Variants in FOXP2 observed in about 807,000 individuals in gnomAD.
FOXP2 encodes forkhead box P2, also known as forkhead box protein P2.
FOXP2 carries 12 observed loss-of-function variants against 115.8 expected under a neutral mutation model. The observed-to-expected ratio is 0.10, with a 90% CI of 0.07 to 0.17. The LOEUF (loss-of-function observed/expected upper bound fraction) is 0.17, where lower values mean the gene tolerates loss of function less well. FOXP2 is among the 10% of genes least tolerant of loss of function. The probability of loss-of-function intolerance (pLI) is 1.00; values close to 1 mark genes in which losing one functional copy is unlikely to be tolerated. For missense variants in FOXP2, 629 were observed against 843.5 expected, an observed-to-expected ratio of 0.75 and a Z score of 3.15; for synonymous variants, 328 against 297.7, an observed-to-expected ratio of 1.10 and a Z score of -1.05.
chr7:114,496,942 A>G (rs1223503958), intron 2 of FOXP2, among the ~76,000 whole-genome samples: 2 of 152,198 alleles, frequency 1.3e-5, no homozygotes, highest in African/African-American at 4.8e-5. Flanking sequence ...AATTTGCTGT[A>G]CTAAGCACAC....
chr7:114,575,704 A>G (rs1368846165), intron 3 of FOXP2, among the ~76,000 whole-genome samples: 1 of 151,948 alleles, frequency 6.6e-6, no homozygotes, highest in Non-Finnish European at 1.5e-5. Flanking sequence ...CAGCTAAAGC[A>G]CATGAAGATA....
intron 3 of FOXP2, among the ~76,000 whole-genome samples, chr7:114,594,579 A>G (rs547134187): frequency 6.6e-5 from 10 of 152,074 alleles, no homozygotes; most frequent in Non-Finnish European, 1.2e-4. Flanking sequence ...CAAAAACAAC[A>G]AAAAAATAGT....
intron 2 of FOXP2, among the ~76,000 whole-genome samples, chr7:114,475,683 G>A (rs1023713408): frequency 3.9e-5 from 6 of 152,002 alleles, no homozygotes; most frequent in African/African-American, 1.4e-4. Flanking sequence ...ATATGACTAT[G>A]CCAAATAGTA....
chr7:114,226,924 T>G (rs1794761329), intron 1 of FOXP2, among the ~76,000 whole-genome samples: 1 of 152,144 alleles, frequency 6.6e-6, no homozygotes, highest in Non-Finnish European at 1.5e-5. Context: ...AATACAGACT[T>G]CATTGAAATC....
chr7:114,602,518 A>T (rs1803083411), intron 3 of FOXP2, among the ~76,000 whole-genome samples: 1 of 152,038 alleles, frequency 6.6e-6, no homozygotes, highest in African/African-American at 2.4e-5. Context: ...ATTTAGTCAC[A>T]AGGAAGGAAT....
intron 1 of FOXP2, among the ~76,000 whole-genome samples, chr7:114,188,689 A>C (rs922524906): frequency 7.2e-5 from 11 of 152,168 alleles, no homozygotes; most frequent in African/African-American, 2.7e-4. Context: ...TCCTGGGCTC[A>C]GGTGATCTTC....
At chr7:114,512,684 A>G (rs955997341) in intron 2 of FOXP2, among the ~76,000 whole-genome samples, 5 of 152,190 alleles carry the variant, frequency 3.3e-5, no homozygotes, top group Non-Finnish European at 7.4e-5. Flanking sequence ...GATAATCTCA[A>G]TTTTTTAAGC....
In FOXP2 at chr7:114,678,680, T is replaced by TA. The variant is rs963023342; in HGVS notation, c.2004-11098dup. ...ACACAGATGAAAAATTAAAAATAAATAAAATGTCCGGAGACCACACATCAA... is the reference window on the plus strand; with the variant it reads ...ACACAGATGAAAAATTAAAAATAAATAAAAATGTCCGGAGACCACACATCAA... On this transcript the variant is annotated intron_variant, in intron 16 of 16. Coordinates refer to ENST00000350908, the MANE Select transcript of FOXP2 (RefSeq NM_014491.4). Among the ~76,000 whole-genome samples, 40 of 144,584 alleles carry TA rather than the reference T, an allele frequency of 2.8e-4. 2 individuals carry two copies. The highest frequency in any genetic ancestry group is 8.4e-4 in the African/African-American group (33 of 39,382). 94.9% of individuals were successfully genotyped at this position (144,584 alleles called of 152,430 possible).
At chr7:114,572,598 G>A (rs999763870) in intron 3 of FOXP2, among the ~76,000 whole-genome samples, 1 of 151,716 alleles carries the variant, frequency 6.6e-6, no homozygotes, top group African/African-American at 2.4e-5. Flanking sequence ...TAAAAATAGT[G>A]CATTAAAAAT....
At chr7:114,401,055 C>T (rs991512279) in intron 2 of FOXP2, among the ~76,000 whole-genome samples, 1 of 152,060 alleles carries the variant, frequency 6.6e-6, no homozygotes, top group Non-Finnish European at 1.5e-5. Flanking sequence ...GGTGATCAGA[C>T]ATCACCTAGG....
chr7:114,105,960 A>C (rs565874564), intron 1 of FOXP2, among the ~76,000 whole-genome samples: 1 of 152,128 alleles, frequency 6.6e-6, no homozygotes, highest in African/African-American at 2.4e-5. Context: ...AATGTTTCTT[A>C]GATGTTAACT....
chr7:114,624,362 C>A (rs373565870), intron 3 of FOXP2, among the ~76,000 whole-genome samples: 24 of 151,828 alleles, frequency 1.6e-4, no homozygotes, highest in African/African-American at 5.8e-4. Flanking sequence ...ATAAAAAGAT[C>A]TGTGAACCAC....
At chr7:114,253,440 G>GTCTAAGTCTCTTTGTAC in intron 1 of FOXP2, among the ~76,000 whole-genome samples, 1 of 152,198 alleles carries the variant, frequency 6.6e-6, no homozygotes, top group South Asian at 2.1e-4. Context: ...TCTCTTTGTA[G>GTCTAAGTCTCTTTGTAC]GTCTCTAAGG....
intron 2 of FOXP2, among the ~76,000 whole-genome samples, chr7:114,327,985 A>G (rs1797600380): frequency 6.6e-6 from 1 of 151,628 alleles, no homozygotes; most frequent in South Asian, 2.1e-4. Context: ...CAGTGGCACT[A>G]TCATGGCTCA....
intron 1 of FOXP2, among the ~76,000 whole-genome samples, chr7:114,243,262 G>GAAAAAAAA (rs61609626): frequency 9.3e-6 from 1 of 107,068 alleles, no homozygotes; most frequent in Admixed American, 1.1e-4. Flanking sequence ...CCATGAGCCA[G>GAAAAAAAA]AAAAAAAAAA....
chr7:114,566,315 C>A (rs777300787), intron 3 of FOXP2, among the ~76,000 whole-genome samples: 6 of 152,090 alleles, frequency 3.9e-5, no homozygotes, highest in Non-Finnish European at 8.8e-5. Flanking sequence ...TATTTTTCCT[C>A]CAAATCTCAT....
intron 2 of FOXP2, among the ~76,000 whole-genome samples, chr7:114,495,352 A>C (rs1169342014): frequency 6.6e-6 from 1 of 152,040 alleles, no homozygotes; most frequent in Non-Finnish European, 1.5e-5. Context: ...AATATTTAAG[A>C]TTTTCAATAG....
chr7:114,179,768 C>A (rs530191148), intron 1 of FOXP2, among the ~76,000 whole-genome samples: 4 of 151,874 alleles, frequency 2.6e-5, no homozygotes, highest in East Asian at 3.9e-4. Context: ...ACATAAAGAG[C>A]AAACCAAAAA....
intron 2 of FOXP2, among the ~76,000 whole-genome samples, chr7:114,528,385 T>C (rs556985051): frequency 1.4e-4 from 22 of 152,064 alleles, no homozygotes; most frequent in Admixed American, 2.0e-4. Flanking sequence ...CCTTTTGACA[T>C]TCAACTGGAT....
Sources: allele counts gnomAD v4.1 joint callset (sites outside exome capture counted in the v4.1 genomes callset), GRCh38; gene constraint gnomAD v4.1.1; transcripts MANE v1.5; gene names NCBI Gene and HGNC (gene_info 2026-07-23, HGNC 2026-07-21).